The following HS3ST4 variants were observed in gnomAD, a reference collection of about 807,000 sequenced individuals.
The protein encoded by HS3ST4 is heparan sulfate glucosamine 3-O-sulfotransferase 4.
In HS3ST4, 17 loss-of-function variants were observed where a neutral mutation model predicts 29.2. The observed-to-expected ratio is 0.58, with a 90% CI of 0.40 to 0.87. HS3ST4 has a LOEUF of 0.87. Ranked by LOEUF, HS3ST4 falls within the 40% of genes least tolerant of loss-of-function variation. HS3ST4 has a pLI of 0.00. For missense variants in HS3ST4, 627 were observed against 634.5 expected (o/e 0.99, Z 0.13); for synonymous variants, 314 against 285.7 (o/e 1.10, Z -1.00).
rs958473303 is a variant in HS3ST4, at chr16:26,003,247, T to C, written c.735-132365T>C. 3.9e-5 allele frequency among the ~76,000 whole-genome samples: 6 copies of C among 152,206 alleles called. No individual in the cohort carries two copies. The South Asian group carries it at 1.0e-3, about 26-fold the overall frequency. ...ATCCTGGTTTCACCACTTACTTAGC[T>C]TGTTCAGTTTTCTCATCAGTAAACA... On this transcript the variant is annotated intron_variant, in intron 1 of 1. Transcript: ENST00000331351.
intron 1 of HS3ST4, among the ~76,000 whole-genome samples, chr16:26,034,042 C>T (rs1172557459): frequency 6.6e-6 from 1 of 152,078 alleles, no homozygotes; most frequent in Non-Finnish European, 1.5e-5. Context: ...GGTTTCAGGC[C>T]CTAGGTGACC....
chr16:25,809,267 T>G (rs925188918), intron 1 of HS3ST4, among the ~76,000 whole-genome samples: 2 of 152,226 alleles, frequency 1.3e-5, no homozygotes, highest in African/African-American at 4.8e-5. Context: ...TTAGTTACAC[T>G]CTATTCCTAA....
chr16:25,855,619 G>A (rs1967567419), intron 1 of HS3ST4, among the ~76,000 whole-genome samples: 1 of 152,112 alleles, frequency 6.6e-6, no homozygotes, highest in South Asian at 2.1e-4. Context: ...CTGGTCAGTT[G>A]TGACTAAACT....
intron 1 of HS3ST4, among the ~76,000 whole-genome samples, chr16:25,788,890 T>C (rs1400363256): frequency 2.6e-5 from 4 of 152,280 alleles, no homozygotes; most frequent in African/African-American, 7.2e-5. Flanking sequence ...GTGATAGCAA[T>C]GCCAAGATTA....
rs1009220762 is a variant in HS3ST4, at chr16:26,101,960, A to T, written c.735-33652A>T. On this transcript the variant is annotated intron_variant, in intron 1 of 1. Coordinates refer to ENST00000331351, the MANE Select transcript of HS3ST4 (RefSeq NM_006040.3). ...AGACAAAAGGTTCTTAGGTGGCCCA[A>T]ACAATGAGGTCTTACTACAATAGCA... Among the ~76,000 whole-genome samples the T allele has an allele frequency of 2.2e-4, 33 of 152,182 alleles. 1 individual carries two copies. Among genetic ancestry groups the T allele is most frequent in the Non-Finnish European group, 5.9e-5 (4 of 68,040 alleles).
At chr16:25,845,156 G>A (rs1011825652) in intron 1 of HS3ST4, among the ~76,000 whole-genome samples, 1 of 152,056 alleles carries the variant, frequency 6.6e-6, no homozygotes, top group Non-Finnish European at 1.5e-5. Flanking sequence ...GCACACCTTT[G>A]TTACCTATGT....
chr16:25,763,813 G>T (rs1005408641), intron 1 of HS3ST4, among the ~76,000 whole-genome samples: 1 of 152,208 alleles, frequency 6.6e-6, no homozygotes, highest in Non-Finnish European at 1.5e-5. Flanking sequence ...GTGGTGAGCT[G>T]TGGAAGATTT....
chr16:25,904,051 G>A (rs1179739026), intron 1 of HS3ST4, among the ~76,000 whole-genome samples: 1 of 152,120 alleles, frequency 6.6e-6, no homozygotes. Flanking sequence ...GTGATGAAAC[G>A]ATGGATGGAT....
chr16:25,994,362 C>T (rs1969141197), intron 1 of HS3ST4, among the ~76,000 whole-genome samples: 1 of 151,858 alleles, frequency 6.6e-6, no homozygotes, highest in African/African-American at 2.4e-5. Context: ...TTTTTTCTAT[C>T]TGATAATAAC....
At chr16:25,711,835 C>T (rs957346421) in intron 1 of HS3ST4, among the ~76,000 whole-genome samples, 2 of 152,136 alleles carry the variant, frequency 1.3e-5, no homozygotes, top group Non-Finnish European at 2.9e-5. Context: ...GCCGATTTTG[C>T]CCAGGCTGGT....
At chr16:25,842,908 ACT>A (rs1967430648) in intron 1 of HS3ST4, among the ~76,000 whole-genome samples, 1 of 152,172 alleles carries the variant, frequency 6.6e-6, no homozygotes, top group Admixed American at 6.5e-5. Flanking sequence ...ATACTGGCTA[ACT>A]CTGAGATGGT....
chr16:25,741,365 T>TAAAAAAAAAAAAA lies in HS3ST4; in HGVS notation c.734+48227_734+48239dup, dbSNP rs66788248. ...TTAAAGGATGAGTTTGAATTCAAGGTAAAAAAAAAAAAAAAAAAAAAAAAA... is the reference window on the plus strand; with the variant it reads ...TTAAAGGATGAGTTTGAATTCAAGGTAAAAAAAAAAAAAAAAAAAAAAAAAAAAAAAAAAAAAA... On this transcript the variant is annotated intron_variant, in intron 1 of 1. Transcript: ENST00000331351. Among the ~76,000 whole-genome samples, 77 of 66,190 alleles carry TAAAAAAAAAAAAA rather than the reference T, an allele frequency of 1.2e-3. 5 individuals are homozygous for TAAAAAAAAAAAAA. Among genetic ancestry groups the TAAAAAAAAAAAAA allele is most frequent in the East Asian group, 3.0e-3 (5 of 1,676 alleles). The allele number at this position is 66,190 out of a possible 152,430, so 43.4% of individuals were successfully genotyped here.
intron 1 of HS3ST4, among the ~76,000 whole-genome samples, chr16:26,091,374 A>G (rs191204436): frequency 1.6e-4 from 24 of 152,326 alleles, no homozygotes; most frequent in Admixed American, 3.9e-4. Context: ...TAGATACTCA[A>G]TGAATGCCTA....
chr16:25,851,832 G>C (rs754222175), intron 1 of HS3ST4, among the ~76,000 whole-genome samples: 1 of 149,864 alleles, frequency 6.7e-6, no homozygotes, highest in African/African-American at 2.5e-5. Context: ...CAATTTTGAC[G>C]GTGTTACGGA....
intron 1 of HS3ST4, among the ~76,000 whole-genome samples, chr16:25,827,422 G>A (rs8061067): frequency 0.63 from 95,043 of 151,834 alleles, 30,369 homozygotes; most frequent in African/African-American, 0.74. Flanking sequence ...GAAGGCCACA[G>A]CATTCACTGA....
chr16:26,088,721 C>T (rs1898818897), intron 1 of HS3ST4, among the ~76,000 whole-genome samples: 1 of 152,162 alleles, frequency 6.6e-6, no homozygotes, highest in African/African-American at 2.4e-5. Context: ...TGAGCTTCAA[C>T]TCTTATGTTA....
intron 1 of HS3ST4, among the ~76,000 whole-genome samples, chr16:25,969,753 G>T (rs1968878526): frequency 6.6e-6 from 1 of 152,232 alleles, no homozygotes; most frequent in African/African-American, 2.4e-5. Flanking sequence ...TTTCCTAAGG[G>T]AAAATGAAGG....
At chr16:26,130,033 C>A (rs1204460646) in intron 1 of HS3ST4, among the ~76,000 whole-genome samples, 1 of 152,182 alleles carries the variant, frequency 6.6e-6, no homozygotes, top group Non-Finnish European at 1.5e-5. Flanking sequence ...GACCCTAACT[C>A]TTTCAAAAGA....
In HS3ST4 at chr16:25,829,500, A is replaced by C. The variant is rs146070815; in HGVS notation, c.734+136349A>C. Among the ~76,000 whole-genome samples, 385 of 152,266 alleles carry C rather than the reference A, an allele frequency of 2.5e-3. 5 individuals carry two copies. Among genetic ancestry groups the C allele is most frequent in the African/African-American group, 8.5e-3 (355 of 41,550 alleles). ...TACATGTACCGTGGTGGTTTGCTGCACCCATCAACCCATCATCTAGGTTTT... is the reference window on the plus strand; with the variant it reads ...TACATGTACCGTGGTGGTTTGCTGCCCCCATCAACCCATCATCTAGGTTTT... On this transcript the variant is annotated intron_variant, in intron 1 of 1. Coordinates refer to ENST00000331351, the MANE Select transcript of HS3ST4 (RefSeq NM_006040.3).
Sources: allele counts gnomAD v4.1 joint callset (sites outside exome capture counted in the v4.1 genomes callset), GRCh38; gene constraint gnomAD v4.1.1; transcripts MANE v1.5; gene names NCBI Gene and HGNC (gene_info 2026-07-23, HGNC 2026-07-21).